DCHS2: variants seen among roughly 807,000 people sequenced by gnomAD.
DCHS2 encodes protocadherin-23.
In DCHS2, 142 loss-of-function variants were observed where a neutral mutation model predicts 182.4. The observed-to-expected ratio is 0.78, with a 90% confidence interval of 0.68 to 0.89. The LOEUF (loss-of-function observed/expected upper bound fraction) is 0.89, where lower values mean the gene tolerates loss of function less well. Among genes scored for constraint, DCHS2 ranks in the 40% least tolerant of loss-of-function variants. The pLI is 0.00. For synonymous variants in DCHS2, 1,740 were observed against 1,663.3 expected (o/e 1.05, Z -1.12); for missense variants, 4,319 against 4,198.6 (o/e 1.03, Z -0.79).
chr4:154,412,804 G>T (rs945103711), intron 1 of DCHS2, among the ~76,000 whole-genome samples: 1 of 152,124 alleles, frequency 6.6e-6, no homozygotes, highest in Admixed American at 6.6e-5. Context: ...TTGAATTACT[G>T]AAAAACCCTG....
At chr4:154,351,973 G>A (rs1256432688) in intron 3 of DCHS2, among the ~76,000 whole-genome samples, 1 of 151,786 alleles carries the variant, frequency 6.6e-6, no homozygotes, top group Non-Finnish European at 1.5e-5. Flanking sequence ...TGTATATTAG[G>A]CAATTTAATC....
At chr4:154,391,157 T>A (rs1282448650) in intron 1 of DCHS2, 1 of 1,610,148 alleles carries the variant, frequency 6.2e-7, no homozygotes, top group Non-Finnish European at 8.5e-7. Context: ...TTAATTTTTG[T>A]TCTTACCTCT....
At chr4:154,238,891 T>C (rs1307830937) in intron 19 of DCHS2, among the ~76,000 whole-genome samples, 1 of 152,130 alleles carries the variant, frequency 6.6e-6, no homozygotes, top group Non-Finnish European at 1.5e-5. Context: ...CGGATGCAAC[T>C]GGGTGTTTAT....
Position 154,259,692 on chromosome 4 carries a change from G to T in DCHS2, c.6642C>A (p.Ile2214=). 6.2e-7 allele frequency: 1 copy of T among 1,613,924 alleles called. No individual in the cohort carries two copies. Among genetic ancestry groups the T allele is most frequent in the East Asian group, 2.2e-5 (1 of 44,840 alleles). ...DFEVRNEVQL[I]VLAESSGHRA... Reference sequence around the variant, plus strand: ...TATGCCCACTACTTTCAGCTAAAACGATGAGTTGAACCTCATTTCTGACTT... The same window carrying T: ...TATGCCCACTACTTTCAGCTAAAACTATGAGTTGAACCTCATTTCTGACTT... The change falls in exon 15 of 20, where the codon ATC becomes ATA. Residue 2214 remains isoleucine (I), a synonymous_variant. Coordinates refer to ENST00000357232, the MANE Select transcript of DCHS2 (RefSeq NM_001358235.2).
chr4:154,475,234 A>C (rs1483362178), intron 1 of DCHS2, among the ~76,000 whole-genome samples: 1 of 152,172 alleles, frequency 6.6e-6, no homozygotes, highest in Admixed American at 6.5e-5. Context: ...TATCAAACCC[A>C]ACAAAATCAG....
intron 1 of DCHS2, among the ~76,000 whole-genome samples, chr4:154,398,384 A>G (rs1732021859): frequency 6.6e-6 from 1 of 152,198 alleles, no homozygotes; most frequent in Non-Finnish European, 1.5e-5. Flanking sequence ...AATGCCTGAC[A>G]TATATTAAGC....
At chr4:154,399,205 T>C (rs1732055776) in intron 1 of DCHS2, among the ~76,000 whole-genome samples, 1 of 152,222 alleles carries the variant, frequency 6.6e-6, no homozygotes, top group South Asian at 2.1e-4. Context: ...GGTTTTAAAA[T>C]ATGGTATCAT....
intron 1 of DCHS2, among the ~76,000 whole-genome samples, chr4:154,401,523 TATATTCTTCCA>T (rs1260841912): frequency 6.6e-6 from 1 of 152,248 alleles, no homozygotes; most frequent in African/African-American, 2.4e-5. Context: ...GTTATCAGAC[TATATTCTTCCA>T]ATATGTAGCA....
At chr4:154,427,706 A>T (rs556106155) in intron 1 of DCHS2, among the ~76,000 whole-genome samples, 34 of 152,242 alleles carry the variant, frequency 2.2e-4, no homozygotes, top group Non-Finnish European at 4.1e-4. Flanking sequence ...GCCAACAGAC[A>T]GAGGTGATAG....
At chr4:154,472,072 G>A (rs1352364993) in intron 1 of DCHS2, among the ~76,000 whole-genome samples, 1 of 152,142 alleles carries the variant, frequency 6.6e-6, no homozygotes, top group Non-Finnish European at 1.5e-5. Context: ...AAGGTGGTTT[G>A]GATTGCAAGA....
At chr4:154,310,062 A>G (rs941447451) in intron 10 of DCHS2, among the ~76,000 whole-genome samples, 6 of 152,196 alleles carry the variant, frequency 3.9e-5, no homozygotes, top group Admixed American at 2.0e-4. Context: ...TATAATAAAT[A>G]CCTTGTAAGG....
chr4:154,321,258 ATT>A lies in DCHS2; in HGVS notation c.4177-38_4177-37del, dbSNP rs768301003. On this transcript the variant is annotated intron_variant, in intron 8 of 19. Transcript: ENST00000357232. The stretch of plus-strand genomic sequence containing the variant: ...AATAAAAGAGATATTAATTTGGGGT[ATT>A]TTTAAAACAGTTTAATGAATAAATG... 5 of 1,447,080 alleles carry A rather than the reference ATT, an allele frequency of 3.5e-6. No homozygotes were observed. The African/African-American group carries it at 7.1e-5, about 20-fold the overall frequency. The allele number at this position is 1,447,080 out of a possible 1,614,324, so 89.6% of individuals were successfully genotyped here. A position where few individuals can be genotyped will look rare whatever the true frequency, so the allele number is the denominator to read the frequency against.
At chr4:154,482,425 G>A (rs1386319298) in intron 1 of DCHS2, among the ~76,000 whole-genome samples, 1 of 152,044 alleles carries the variant, frequency 6.6e-6, no homozygotes, top group African/African-American at 2.4e-5. Context: ...TGAGTCCATC[G>A]TCAAGAGATA....
intron 19 of DCHS2, among the ~76,000 whole-genome samples, chr4:154,238,769 A>C (rs1731656931): frequency 6.6e-6 from 1 of 152,168 alleles, no homozygotes; most frequent in Non-Finnish European, 1.5e-5. Flanking sequence ...GCTTGGGAAG[A>C]AAGCATCCAG....
At chr4:154,252,301 C>T (rs1732407945) in intron 16 of DCHS2, among the ~76,000 whole-genome samples, 1 of 152,114 alleles carries the variant, frequency 6.6e-6, no homozygotes, top group African/African-American at 2.4e-5. Flanking sequence ...AAGCATTTAT[C>T]CTTTGTGTTA....
chr4:154,411,372 G>A (rs2110892555), intron 1 of DCHS2, among the ~76,000 whole-genome samples: 1 of 152,248 alleles, frequency 6.6e-6, no homozygotes, highest in South Asian at 2.1e-4. Context: ...GCCGAGGTGG[G>A]TGGATCACAA....
intron 7 of DCHS2, among the ~76,000 whole-genome samples, chr4:154,323,874 A>C (rs1440279857): frequency 2.5e-5 from 2 of 80,212 alleles, no homozygotes; most frequent in African/African-American, 6.2e-5. Context: ...AAAACCCACC[A>C]AAAAAAAAAA....
intron 17 of DCHS2, among the ~76,000 whole-genome samples, chr4:154,241,874 G>T (rs114041804): frequency 6.6e-6 from 1 of 152,138 alleles, no homozygotes; most frequent in Non-Finnish European, 1.5e-5. Context: ...GACATGTCTG[G>T]AATATTTCCC....
chr4:154,468,083 GT>G (rs1735309958), intron 1 of DCHS2, among the ~76,000 whole-genome samples: 1 of 152,098 alleles, frequency 6.6e-6, no homozygotes. Flanking sequence ...GGTGTCCACA[GT>G]TTTCTCTGAT....
Sources: allele counts gnomAD v4.1 joint callset (sites outside exome capture counted in the v4.1 genomes callset), GRCh38; gene constraint gnomAD v4.1.1; transcripts MANE v1.5; gene names NCBI Gene and HGNC (gene_info 2026-07-23, HGNC 2026-07-21).